Variants in SYTL2 observed in about 807,000 individuals in gnomAD.
SYTL2 encodes the protein synaptotagmin-like protein 2.
Under a neutral mutation model 198.7 loss-of-function variants are expected in SYTL2, and 165 were observed. That is an observed-to-expected ratio of 0.83 (90% CI 0.73 to 0.94). The LOEUF is 0.94. SYTL2 is among the 40% of genes least tolerant of loss of function. The pLI is 0.00. For synonymous variants in SYTL2, 966 were observed against 917.7 expected (o/e 1.05, Z -0.95); for missense variants, 2,835 against 2,582.8 (o/e 1.10, Z -2.12).
chr11:85,790,960 T>G (rs1192587573), intron 1 of SYTL2, among the ~76,000 whole-genome samples: 1 of 151,868 alleles, frequency 6.6e-6, no homozygotes, highest in African/African-American at 2.4e-5. Context: ...GGTCAGGAGT[T>G]TGAGACCAGC....
At chr11:85,836,642 T>C in the SYTL2 span, among the ~76,000 whole-genome samples, 1 of 152,190 alleles carries the variant, frequency 6.6e-6, no homozygotes. Context: ...TTGACACATA[T>C]GATATAACAA....
At chr11:85,811,226 G>C (rs935628144), upstream of SYTL2, 6 of 151,366 alleles carry the variant, frequency 4.0e-5, no homozygotes, top group Admixed American at 2.0e-4. Context: ...CCGGGTGCTC[G>C]GGCCAATGGC....
In SYTL2 at chr11:85,724,093, A is replaced by C. The variant is rs1324146187; in HGVS notation, c.5265T>G (p.Ser1755=). The C allele has an allele frequency of 6.3e-7, 1 of 1,576,554 alleles. No individual in the cohort carries two copies. Among genetic ancestry groups the C allele is most frequent in the Non-Finnish European group, 8.6e-7 (1 of 1,168,496 alleles). ...TGTTTCCATCTGAAAAATCAGACTC[A>C]GAGAAACCTTCTTTTTCTTCCTCTT... ...QEKEEEKEGF[S]ESDFSDGNTS... Residue 1755 remains serine, a synonymous_variant, in exon 8 of 20, where the codon TCT becomes TCG. Transcript: ENST00000359152.
chr11:85,759,557 A>T (rs888858461), intron 1 of SYTL2, among the ~76,000 whole-genome samples: 3 of 152,160 alleles, frequency 2.0e-5, no homozygotes, highest in South Asian at 2.1e-4. Flanking sequence ...ACTATATTCT[A>T]GCTTCCGCTC....
At chr11:85,833,150 GGAAGGAAA>G in the SYTL2 span, among the ~76,000 whole-genome samples, 1,559 of 73,498 alleles carry the variant, frequency 0.021, 135 homozygotes, top group Middle Eastern at 0.034. Context: ...AAGGAAGGAA[GGAAGGAAA>G]GAAAGAAAGA....
intron 11 of SYTL2, chr11:85,716,246 T>C (rs2087211109): frequency 6.6e-6 from 1 of 152,170 alleles, no homozygotes; most frequent in South Asian, 2.1e-4. Context: ...ATTAAATATG[T>C]CCTAGTTCAA....
At chr11:85,836,851 G>C in the SYTL2 span, among the ~76,000 whole-genome samples, 1 of 152,108 alleles carries the variant, frequency 6.6e-6, no homozygotes, top group African/African-American at 2.4e-5. Flanking sequence ...CAGATACATA[G>C]ATAGATGATT....
At chr11:85,730,590 A>C (rs1470391825) in intron 7 of SYTL2, among the ~76,000 whole-genome samples, 2 of 152,188 alleles carry the variant, frequency 1.3e-5, no homozygotes, top group African/African-American at 4.8e-5. Context: ...GATGGAACGT[A>C]TCTCAAAATA....
Position 85,757,764 on chromosome 11 carries a change from G to T in SYTL2, c.-39C>A. 6.2e-7 allele frequency: 1 copy of T among 1,604,098 alleles called. No homozygotes were observed. Among genetic ancestry groups the T allele is most frequent in the Non-Finnish European group, 8.5e-7 (1 of 1,178,866 alleles). On this transcript the variant is annotated 5_prime_UTR_variant, in exon 2 of 20. Coordinates refer to ENST00000359152, the MANE Select transcript of SYTL2 (RefSeq NM_206927.4). ...TGCAAAAATAATAGCAACAAATGTG[G>T]CTCAAAATTCTCAGGGCTGAACAAC...
intron 1 of SYTL2, among the ~76,000 whole-genome samples, chr11:85,780,547 G>A (rs1443366336): frequency 6.6e-6 from 1 of 152,168 alleles, no homozygotes; most frequent in African/African-American, 2.4e-5. Context: ...CCTATGTAAC[G>A]AAGCTGCCAT....
Position 85,760,124 on chromosome 11 carries a change from G to C in SYTL2, c.-389-2010C>G, listed in dbSNP as rs563160063. Among the ~76,000 whole-genome samples the C allele has an allele frequency of 8.5e-5, 13 of 152,276 alleles. No individual in the cohort carries two copies. In the South Asian group the frequency reaches 2.7e-3, roughly 32 times the overall value. Reference sequence around the variant, plus strand: ...GTTTGATCTGGCTTCTTGTATTCCTGCCACATGCCATGAGAAGAGCTTGTC... The same window carrying C: ...GTTTGATCTGGCTTCTTGTATTCCTCCCACATGCCATGAGAAGAGCTTGTC... On this transcript the variant is annotated intron_variant, in intron 1 of 19. Coordinates refer to ENST00000359152, the MANE Select transcript of SYTL2 (RefSeq NM_206927.4).
At chr11:85,853,659 A>T in the SYTL2 span, 4 of 119,986 alleles carry the variant, frequency 3.3e-5, no homozygotes, top group Admixed American at 8.5e-5. Flanking sequence ...ATGATCAATA[A>T]AAAAAAAAAA....
the SYTL2 span, among the ~76,000 whole-genome samples, chr11:85,852,026 A>T: frequency 6.6e-6 from 1 of 152,336 alleles, no homozygotes; most frequent in Admixed American, 6.5e-5. Flanking sequence ...GGAACACGTA[A>T]GTTATCTCTA....
chr11:85,734,130 G>A lies in SYTL2; in HGVS notation c.1199C>T (p.Pro400Leu), dbSNP rs889464318. ...ATGTGTTTCACTTTTTGATACATATGGGCTTGAGGTTGATTGATGAAAAAG... is the reference window on the plus strand; with the variant it reads ...ATGTGTTTCACTTTTTGATACATATAGGCTTGAGGTTGATTGATGAAAAAG... ...PSLFHQSTSS[P>L]YVSKSETHQP... Residue 400 changes from proline to leucine, a missense_variant, in exon 7 of 20, where the codon CCA becomes CTA. Physicochemically the swap from Pro to Leu is moderately conservative, Grantham distance 98 (BLOSUM62 -3). Coordinates refer to ENST00000359152, the MANE Select transcript of SYTL2 (RefSeq NM_206927.4). 1 of 1,614,148 alleles carries A rather than the reference G, an allele frequency of 6.2e-7. No homozygotes were observed. The highest frequency in any genetic ancestry group is 8.5e-7 in the Non-Finnish European group (1 of 1,180,004).
At chr11:85,779,296 G>A (rs983457430) in intron 1 of SYTL2, among the ~76,000 whole-genome samples, 6 of 152,102 alleles carry the variant, frequency 3.9e-5, no homozygotes, top group Non-Finnish European at 5.9e-5. Context: ...TGTTTATTGG[G>A]AGGGGGACAG....
At position 85,727,856 on chromosome 11, in the gene SYTL2, G is replaced by A; in HGVS notation, c.1502C>T (p.Ser501Phe). ...AGTGGCATATGGACCAGAACGTGAA[G>A]ATGTCTTAGCTTTTAGAGCCGGGAG... ...PPLPALKAKT[S>F]SRSGPYATEI... The change falls in exon 8 of 20, where the codon TCT becomes TTT. Residue 501 changes from serine to phenylalanine, a missense_variant. Coordinates refer to ENST00000359152, the MANE Select transcript of SYTL2 (RefSeq NM_206927.4). 1 of 1,612,454 alleles carries A rather than the reference G, an allele frequency of 6.2e-7. No individual in the cohort carries two copies. Among genetic ancestry groups the A allele is most frequent in the Non-Finnish European group, 8.5e-7 (1 of 1,179,442 alleles).
At chr11:85,737,479 C>T (rs2090440886) in intron 5 of SYTL2, 96 bp downstream of exon 5, 4 of 953,432 alleles carry the variant, frequency 4.2e-6, no homozygotes, top group Non-Finnish European at 6.4e-6. Flanking sequence ...AAAAACTGTA[C>T]TACAAAATTC....
Position 85,726,609 on chromosome 11 carries a change from C to T in SYTL2, c.2749G>A (p.Ala917Thr). The change falls in exon 8 of 20, where the codon GCA becomes ACA. Residue 917 changes from alanine (A) to threonine (T), a missense_variant. Coordinates refer to ENST00000359152, the MANE Select transcript of SYTL2 (RefSeq NM_206927.4). ...KNEPIKRSQVADSLPSRRNIT... is the reference protein window; with the variant it reads ...KNEPIKRSQVTDSLPSRRNIT... ...TTTCTTCTAGAAGGCAAACTGTCTG[C>T]CACTTGTGATCTTTTTATAGGCTCA... 6.5e-7 allele frequency: 1 copy of T among 1,549,938 alleles called. No homozygotes were observed. The highest frequency in any genetic ancestry group is 8.7e-7 in the Non-Finnish European group (1 of 1,153,194).
the SYTL2 span, among the ~76,000 whole-genome samples, chr11:85,821,444 G>C: frequency 6.6e-6 from 1 of 152,186 alleles, no homozygotes; most frequent in African/African-American, 2.4e-5. Context: ...GGAGGTGAAG[G>C]CACCAGAGCT....
Sources: gnomAD v4.1 joint callset for allele counts (sites outside exome capture counted in the v4.1 genomes callset) on GRCh38, gnomAD v4.1.1 for gene constraint, MANE v1.5 for transcripts, NCBI Gene and HGNC (gene_info 2026-07-23, HGNC 2026-07-21) for gene names.